The following BTAF1 variants were observed in gnomAD, a reference collection of about 807,000 sequenced individuals.
The protein encoded by BTAF1 is TATA-binding protein-associated factor 172.
A neutral mutation model predicts 227.1 loss-of-function variants in BTAF1; 38 were observed. The ratio of observed to expected loss-of-function variants is 0.17; its 90% confidence interval spans 0.13 to 0.22. The LOEUF is 0.22. Ranked by LOEUF, BTAF1 falls within the 10% of genes least tolerant of loss-of-function variation. The pLI, the probability that BTAF1 is intolerant of heterozygous loss-of-function variation, is 1.00. For synonymous variants in BTAF1, 742 were observed against 751.9 expected (o/e 0.99, Z 0.21); for missense variants, 1,598 against 2,204.0 (o/e 0.73, Z 5.51).
intron 1 of BTAF1, among the ~76,000 whole-genome samples, chr10:91,927,300 G>A (rs983368533): frequency 3.3e-5 from 5 of 151,880 alleles, no homozygotes; most frequent in East Asian, 1.9e-4. Context: ...CACCACACCC[G>A]GCTAATTTTG....
chr10:92,022,832 A>C (rs1851237316), intron 34 of BTAF1, among the ~76,000 whole-genome samples: 1 of 152,200 alleles, frequency 6.6e-6, no homozygotes, highest in Non-Finnish European at 1.5e-5. Context: ...TTAAGGCAAG[A>C]TGTAGGGGTA....
intron 5 of BTAF1, among the ~76,000 whole-genome samples, chr10:91,952,369 T>A (rs1845828391): frequency 6.6e-6 from 1 of 152,184 alleles, no homozygotes; most frequent in African/African-American, 2.4e-5. Flanking sequence ...TTTGTGCTTC[T>A]TAACTTTTTT....
intron 4 of BTAF1, among the ~76,000 whole-genome samples, chr10:91,950,119 G>C (rs1167418810): frequency 7.4e-6 from 1 of 134,724 alleles, no homozygotes; most frequent in Non-Finnish European, 1.6e-5. Flanking sequence ...CTCCAGCGTG[G>C]GTATCAGAGT....
At chr10:91,973,017 T>C (rs540566664) in intron 14 of BTAF1, among the ~76,000 whole-genome samples, 1 of 152,362 alleles carries the variant, frequency 6.6e-6, no homozygotes, top group East Asian at 1.9e-4. Flanking sequence ...GAAAGATCAT[T>C]GACCTATTGT....
intron 7 of BTAF1, among the ~76,000 whole-genome samples, chr10:91,956,870 A>T (rs933738000): frequency 6.6e-6 from 1 of 152,070 alleles, no homozygotes; most frequent in African/African-American, 2.4e-5. Flanking sequence ...CGTGCCTGTA[A>T]TCCCAGCTAC....
Position 92,024,937 on chromosome 10 carries a change from C to T in BTAF1, c.5045C>T (p.Pro1682Leu). 1.2e-6 allele frequency: 2 copies of T among 1,614,002 alleles called. No individual in the cohort carries two copies. Among genetic ancestry groups the T allele is most frequent in the Non-Finnish European group, 8.5e-7 (1 of 1,179,982 alleles). ...TATTTGAGATTAGATGGCAGCATAC[C>T]TCCTGGTCAGAGGCATTCCATTGTT... is the stretch of plus-strand genomic sequence containing the variant. The part of the protein sequence containing the change: ...VTYLRLDGSI[P>L]PGQRHSIVSR... The change falls in exon 35 of 38, where the codon CCT becomes CTT. Residue 1682 changes from proline to leucine, a missense_variant. Transcript: ENST00000265990.
In BTAF1 at chr10:92,029,812, G is replaced by GGAGA. The variant is rs1180264605; in HGVS notation, c.*884_*887dup. 2 of 152,366 alleles carry GGAGA rather than the reference G, an allele frequency of 1.3e-5. No individual in the cohort carries two copies. The highest frequency in any genetic ancestry group is 2.9e-5 in the Non-Finnish European group (2 of 67,920). The allele number at this position is 152,366 out of a possible 1,614,324, so 9.4% of individuals were successfully genotyped here. Reference sequence around the variant, plus strand: ...GTAATGCATGGCTGAAGCATAAAAGGGAGAGAGAATTTCTTTATATACACA... The same window carrying GGAGA: ...GTAATGCATGGCTGAAGCATAAAAGGGAGAGAGAGAGAATTTCTTTATATACACA... On this transcript the variant is annotated 3_prime_UTR_variant, in exon 38 of 38. Coordinates refer to ENST00000265990, the MANE Select transcript of BTAF1 (RefSeq NM_003972.3).
intron 4 of BTAF1, among the ~76,000 whole-genome samples, chr10:91,943,068 C>CT (rs1385224983): frequency 2.0e-5 from 3 of 152,136 alleles, no homozygotes; most frequent in Non-Finnish European, 4.4e-5. Flanking sequence ...AATCCCAGCA[C>CT]TTTGAGAGGC....
At chr10:91,936,305 A>C (rs147410787) in intron 2 of BTAF1, among the ~76,000 whole-genome samples, 2 of 149,306 alleles carry the variant, frequency 1.3e-5, no homozygotes, top group Non-Finnish European at 1.5e-5. Context: ...GTATGGTAAT[A>C]AGTGGCAAAT....
At position 91,989,495 on chromosome 10, in the gene BTAF1, C is replaced by T. The variant is rs747258599; in HGVS notation, c.2769C>T (p.Leu923=). 8.1e-6 allele frequency: 13 copies of T among 1,613,886 alleles called. No individual in the cohort carries two copies. Among genetic ancestry groups the T allele is most frequent in the Non-Finnish European group, 1.1e-5 (13 of 1,180,038 alleles). ...CCAATTCAAAAATTATTAAAAACCT[C>T]TGTAGCTCACTTTGTGTGGACCCAT... The part of the protein sequence containing the change: ...PCPNSKIIKN[L]CSSLCVDPYL... The change falls in exon 20 of 38, where the codon CTC becomes CTT. Residue 923 remains leucine, a synonymous_variant. Transcript: ENST00000265990.
At chr10:91,963,702 A>G (rs1270335928) in intron 12 of BTAF1, among the ~76,000 whole-genome samples, 2 of 152,202 alleles carry the variant, frequency 1.3e-5, no homozygotes, top group Non-Finnish European at 2.9e-5. Flanking sequence ...TTTTTTTATG[A>G]TGATTAGTAC....
chr10:91,929,124 A>G (rs2133763321), intron 1 of BTAF1, among the ~76,000 whole-genome samples: 1 of 152,176 alleles, frequency 6.6e-6, no homozygotes, highest in South Asian at 2.1e-4. Context: ...AGGTTTATTC[A>G]TTGGTGGGGA....
chr10:91,975,818 A>G (rs1847639949), intron 14 of BTAF1, among the ~76,000 whole-genome samples: 1 of 152,238 alleles, frequency 6.6e-6, no homozygotes, highest in South Asian at 2.1e-4. Flanking sequence ...CTGAGATGCC[A>G]AATCTGCCAG....
Position 91,987,565 on chromosome 10 carries a change from A to C in BTAF1, c.2428-1589A>C. Among the ~76,000 whole-genome samples the C allele has an allele frequency of 1.3e-5, 2 of 151,912 alleles. 1 individual carries two copies. Among genetic ancestry groups the C allele is most frequent in the Non-Finnish European group, 2.9e-5 (2 of 68,006 alleles). ...AGTCAGATCTTAGTACTTTATATCTAGGTCCTGACTCATCTCTAGGGCTCC... is the reference window on the plus strand; with the variant it reads ...AGTCAGATCTTAGTACTTTATATCTCGGTCCTGACTCATCTCTAGGGCTCC... On this transcript the variant is annotated intron_variant, in intron 19 of 37. Transcript: ENST00000265990.
Position 91,966,774 on chromosome 10 carries a change from AT to A in BTAF1, c.1650+18del. The A allele has an allele frequency of 2.5e-6, 4 of 1,603,202 alleles. No individual in the cohort carries two copies. The highest frequency in any genetic ancestry group is 3.4e-6 in the Non-Finnish European group (4 of 1,175,618). On this transcript the variant is annotated intron_variant, in intron 14 of 37. Transcript: ENST00000265990. ...CAGGACCAGGTAAGAACTGATAACT[AT>A]AGCAGTCTTGAAACTTATATAAATT...
Position 91,923,897 on chromosome 10 carries a change from A to G in BTAF1, c.-180A>G. The stretch of plus-strand genomic sequence containing the variant: ...CCCCTGCTTACCGGCCGCCGCGGGG[A>G]CGAGCTCGGGTAGGCGGCAGGGCAG... On this transcript the variant is annotated 5_prime_UTR_variant, in exon 1 of 38. Transcript: ENST00000265990. The G allele has an allele frequency of 1.6e-6, 1 of 626,818 alleles. No individual in the cohort carries two copies. The highest frequency in any genetic ancestry group is 2.5e-6 in the Non-Finnish European group (1 of 405,396). 38.8% of individuals were successfully genotyped at this position (626,818 alleles called of 1,614,324 possible). A position where few individuals can be genotyped will look rare whatever the true frequency, so the allele number is the denominator to read the frequency against.
chr10:91,924,601 G>A (rs1431330858), intron 1 of BTAF1, among the ~76,000 whole-genome samples: 2 of 152,112 alleles, frequency 1.3e-5, no homozygotes, highest in Admixed American at 1.3e-4. Context: ...CCTTTTGTTT[G>A]GCAGTAAACA....
intron 25 of BTAF1, among the ~76,000 whole-genome samples, chr10:92,004,161 T>A (rs1468582807): frequency 1.3e-5 from 2 of 152,226 alleles, no homozygotes; most frequent in Non-Finnish European, 2.9e-5. Context: ...CGCAAATAAT[T>A]TTTCCCATTC....
At position 92,024,880 on chromosome 10, in the gene BTAF1, A is replaced by G; in HGVS notation, c.4988A>G (p.Asp1663Gly). The stretch of plus-strand genomic sequence containing the variant: ...AGCATGCTTGATATAGTAGAGCATG[A>G]TCTCCTCAAACCTCACTTGCCCTCT... ...LKSMLDIVEH[D>G]LLKPHLPSVT... Residue 1663 changes from aspartate (D) to glycine (G), a missense_variant, in exon 35 of 38, where the codon GAT becomes GGT. Asp to Gly is a moderately conservative substitution (Grantham distance 94). This residue lies in a region of BTAF1 where 205 missense variants were observed against 244.5 expected (regional missense o/e 0.84). Transcript: ENST00000265990. 1 of 1,614,002 alleles carries G rather than the reference A, an allele frequency of 6.2e-7. No homozygotes were observed.
Sources: allele counts gnomAD v4.1 joint callset (sites outside exome capture counted in the v4.1 genomes callset), GRCh38; gene constraint gnomAD v4.1.1; regional missense constraint gnomAD v4.1.1; transcripts MANE v1.5; gene names NCBI Gene and HGNC (gene_info 2026-07-23, HGNC 2026-07-21).